The following DEFA4 variants were observed in gnomAD, a reference collection of about 807,000 sequenced individuals.
DEFA4 encodes the protein corticostatin.
In DEFA4, 8 loss-of-function variants were observed where a neutral mutation model predicts 4.4. The ratio of observed to expected loss-of-function variants is 1.82; its 90% CI spans 1.07 to 3.29. The LOEUF is 3.29. DEFA4 is among the 30% of genes most tolerant of loss of function. The probability of loss-of-function intolerance (pLI) is 0.00; values close to 1 mark genes in which losing one functional copy is unlikely to be tolerated. For missense variants in DEFA4, 216 were observed against 127.0 expected (o/e 1.70, Z -3.37); for synonymous variants, 77 against 46.5 (o/e 1.66, Z -2.67).
At chr8:6,937,622 C>T (rs1160587359) in intron 1 of DEFA4, among the ~76,000 whole-genome samples, 1 of 152,098 alleles carries the variant, frequency 6.6e-6, no homozygotes, top group African/African-American at 2.4e-5. Context: ...CTTGAAAAGA[C>T]CTGAAACCAT....
intron 2 of DEFA4, 43 bp from the exon 3 acceptor site, chr8:6,936,184 A>G (rs1392748478): frequency 6.2e-7 from 1 of 1,608,146 alleles, no homozygotes; most frequent in Non-Finnish European, 8.5e-7. Context: ...CACCAAGGTC[A>G]GCGGTGGGTG....
chr8:6,935,968 A>C lies in DEFA4; in HGVS notation c.*52T>G, dbSNP rs1356516404. On this transcript the variant is annotated 3_prime_UTR_variant, in exon 3 of 3. Coordinates refer to ENST00000297435, the MANE Select transcript of DEFA4 (RefSeq NM_001925.3). ...TCAGCTGCAGAAGCATGTGAAGCTA[A>C]CACCACCGATGATGGCGTTCCCAGC... The C allele has an allele frequency of 6.2e-7, 1 of 1,611,344 alleles. No individual in the cohort carries two copies. The highest frequency in any genetic ancestry group is 8.5e-7 in the Non-Finnish European group (1 of 1,177,806).
At chr8:6,936,228 T>G in intron 2 of DEFA4, 87 bp from the exon 3 acceptor site, 1 of 1,555,292 alleles carries the variant, frequency 6.4e-7, no homozygotes. Flanking sequence ...ACATGCTGGC[T>G]GACCGGTGAT....
At chr8:6,936,946 A>C (rs916983792) in intron 1 of DEFA4, 35 bp from the exon 2 acceptor site, 14 of 1,480,208 alleles carry the variant, frequency 9.5e-6, no homozygotes, top group Non-Finnish European at 1.2e-5. Flanking sequence ...CTGTGTGGGG[A>C]GGGAGAAGCC....
chr8:6,936,745 G>A lies in DEFA4; in HGVS notation c.155C>T (p.Ser52Phe). ...TCTCTCACCTGAAACCTGAAGAGCAGAGCTTTTATCCCATGCAAAGGAAAT... is the reference window on the plus strand; with the variant it reads ...TCTCTCACCTGAAACCTGAAGAGCAAAGCTTTTATCCCATGCAAAGGAAAT... The part of the protein sequence containing the change: ...ISISFAWDKS[S>F]ALQVSGSTRG... Residue 52 changes from serine to phenylalanine, a missense_variant, in exon 2 of 3, where the codon TCT (serine) becomes TTT (phenylalanine). Coordinates refer to ENST00000297435, the MANE Select transcript of DEFA4 (RefSeq NM_001925.3). 1.2e-6 allele frequency: 2 copies of A among 1,603,826 alleles called. No individual in the cohort carries two copies. The highest frequency in any genetic ancestry group is 2.2e-5 in the South Asian group (2 of 89,370).
chr8:6,936,047 G>A lies in DEFA4; in HGVS notation c.267C>T (p.Phe89=). 1 of 1,613,892 alleles carries A rather than the reference G, an allele frequency of 6.2e-7. No individual in the cohort carries two copies. Among genetic ancestry groups the A allele is most frequent in the Non-Finnish European group, 8.5e-7 (1 of 1,179,906 alleles). ...AATCGACACGCGTGCAGCAGTATGT[G>A]AAACTCACACCACCAATGAGGCAGT... ...VGNCLIGGVS[F]TYCCTRVD The change falls in exon 3 of 3, where the codon TTC becomes TTT. Residue 89 remains phenylalanine (F), a synonymous_variant. Coordinates refer to ENST00000297435, the MANE Select transcript of DEFA4 (RefSeq NM_001925.3).
rs759149591 is a variant in DEFA4, at chr8:6,936,044, T to C, written c.270A>G (p.Thr90=). 2.5e-5 allele frequency: 41 copies of C among 1,613,904 alleles called. No homozygotes were observed. Among genetic ancestry groups the C allele is most frequent in the Non-Finnish European group, 3.4e-5 (40 of 1,179,900 alleles). Residue 90 remains threonine, a synonymous_variant, in exon 3 of 3, where the codon ACA becomes ACG. Transcript: ENST00000297435. ...GTTAATCGACACGCGTGCAGCAGTA[T>C]GTGAAACTCACACCACCAATGAGGC... ...GNCLIGGVSF[T]YCCTRVD
chr8:6,936,747 G>C lies in DEFA4; in HGVS notation c.153C>G (p.Ser51Arg), dbSNP rs554641481. The C allele has an allele frequency of 1.2e-6, 2 of 1,609,408 alleles. No homozygotes were observed. Among genetic ancestry groups the C allele is most frequent in the East Asian group, 2.2e-5 (1 of 44,714 alleles). ...TCTCACCTGAAACCTGAAGAGCAGA[G>C]CTTTTATCCCATGCAAAGGAAATAG... The part of the protein sequence containing the change: ...DISISFAWDK[S>R]SALQVSGSTR... The change falls in exon 2 of 3, where the codon AGC (serine) becomes AGG (arginine). Residue 51 changes from serine to arginine, a missense_variant. Coordinates refer to ENST00000297435, the MANE Select transcript of DEFA4 (RefSeq NM_001925.3).
intron 1 of DEFA4, 38 bp from the exon 2 acceptor site, chr8:6,936,949 G>C: frequency 5.5e-6 from 8 of 1,462,162 alleles, no homozygotes; most frequent in Non-Finnish European, 6.4e-6. Context: ...TGTGGGGAGG[G>C]AGAAGCCAGC....
At position 6,935,921 on chromosome 8, in the gene DEFA4, C is replaced by T. The variant is rs1433027334; in HGVS notation, c.*99G>A. ...TAGCTCTCAAAGCAAATTATGAGCT[C>T]ATTTTTCTCTATTCTGCAAGCTCAG... On this transcript the variant is annotated 3_prime_UTR_variant, in exon 3 of 3. Transcript: ENST00000297435. The T allele has an allele frequency of 2.6e-6, 4 of 1,562,420 alleles. No homozygotes were observed. Among genetic ancestry groups the T allele is most frequent in the Non-Finnish European group, 3.5e-6 (4 of 1,137,976 alleles).
chr8:6,937,428 A>G (rs1311579754), intron 1 of DEFA4, among the ~76,000 whole-genome samples: 1 of 152,112 alleles, frequency 6.6e-6, no homozygotes, highest in African/African-American at 2.4e-5. Flanking sequence ...TAATGGGGTG[A>G]GTAGTCTCCT....
rs149651417 is a variant in DEFA4, at chr8:6,936,232, C to T, written c.173-91G>A. 188 of 1,546,868 alleles carry T rather than the reference C, an allele frequency of 1.2e-4. No individual in the cohort carries two copies. In the African/African-American group the frequency reaches 2.0e-3, roughly 16 times the overall value. On this transcript the variant is annotated intron_variant, in intron 2 of 2. Coordinates refer to ENST00000297435, the MANE Select transcript of DEFA4 (RefSeq NM_001925.3). Reference sequence around the variant, plus strand: ...TTGGAGAAGTCACATGCTGGCTGACCGGTGATGCTGGCTGCATTAGTGCCG... The same window carrying T: ...TTGGAGAAGTCACATGCTGGCTGACTGGTGATGCTGGCTGCATTAGTGCCG...
chr8:6,937,764 A>G (rs1445153119), intron 1 of DEFA4, among the ~76,000 whole-genome samples: 1 of 152,182 alleles, frequency 6.6e-6, no homozygotes, highest in Non-Finnish European at 1.5e-5. Flanking sequence ...ATTGAACGCT[A>G]AAGCATCTTC....
rs146142585 is a variant in DEFA4 at position 6,937,760 on chromosome 8, C to T, written c.-13+466G>A. Among the ~76,000 whole-genome samples the T allele has an allele frequency of 1.7e-4, 26 of 152,196 alleles. No individual in the cohort carries two copies. The East Asian group carries it at 2.7e-3, about 16-fold the overall frequency. On this transcript the variant is annotated intron_variant, in intron 1 of 2. Coordinates refer to ENST00000297435, the MANE Select transcript of DEFA4 (RefSeq NM_001925.3). ...AATAGACAAGCGGGGCTGCATTGAA[C>T]GCTAAAGCATCTTCATAGCAAAGGA...
chr8:6,938,010 G>C (rs1477039438), intron 1 of DEFA4, among the ~76,000 whole-genome samples: 1 of 152,126 alleles, frequency 6.6e-6, no homozygotes, highest in Non-Finnish European at 1.5e-5. Context: ...ATGTCAAGTA[G>C]GACACGTGTG....
intron 2 of DEFA4, 62 bp from the exon 3 acceptor site, chr8:6,936,203 A>C: frequency 6.3e-7 from 1 of 1,598,116 alleles, no homozygotes; most frequent in South Asian, 1.1e-5. Flanking sequence ...TGGTAAAGGG[A>C]ATCTTGGAGA....
At chr8:6,938,158 G>C (rs1318765851) in intron 1 of DEFA4, 68 bp downstream of exon 1, 1 of 152,124 alleles carries the variant, frequency 6.6e-6, no homozygotes, top group African/African-American at 2.4e-5. Flanking sequence ...CACAGTGAGA[G>C]GTCAGACTGG....
rs189165210 is a variant in DEFA4, at chr8:6,936,478, C to G, written c.172+250G>C. ...TCTACTTGTTTAGATCCAGAAAGAA[C>G]TGGTCAATCTGTCTCTCCGTATCTT... On this transcript the variant is annotated intron_variant, in intron 2 of 2. Coordinates refer to ENST00000297435, the MANE Select transcript of DEFA4 (RefSeq NM_001925.3). 4.3e-3 allele frequency among the ~76,000 whole-genome samples: 657 copies of G among 152,252 alleles called. 6 individuals carry two copies. The highest frequency in any genetic ancestry group is 7.3e-3 in the Non-Finnish European group (496 of 68,022).
At position 6,936,112 on chromosome 8, in the gene DEFA4, T is replaced by C. The variant is rs1466600988; in HGVS notation, c.202A>G (p.Arg68Gly). The C allele has an allele frequency of 1.2e-6, 2 of 1,614,022 alleles. No individual in the cohort carries two copies. The highest frequency in any genetic ancestry group is 1.1e-5 in the South Asian group (1 of 90,992). Reference protein sequence around the residue: ...GSTRGMVCSCRLVFCRRTELR... With the variant: ...GSTRGMVCSCGLVFCRRTELR... The stretch of plus-strand genomic sequence containing the variant: ...TCTGTTCGCCGGCAGAATACTAATC[T>C]GCAAGAGCAGACCATGCCCCTTGTT... Residue 68 changes from arginine (R) to glycine (G), a missense_variant, in exon 3 of 3, where the codon AGA (arginine) becomes GGA (glycine). Arg to Gly is a moderately radical substitution (Grantham distance 125). Coordinates refer to ENST00000297435, the MANE Select transcript of DEFA4 (RefSeq NM_001925.3).
Sources: allele counts gnomAD v4.1 joint callset (sites outside exome capture counted in the v4.1 genomes callset), GRCh38; gene constraint gnomAD v4.1.1; transcripts MANE v1.5; gene names NCBI Gene and HGNC (gene_info 2026-07-23, HGNC 2026-07-21).